The following YRDC variants were observed in gnomAD, a reference collection of about 807,000 sequenced individuals.
YRDC encodes the protein threonylcarbamoyl-AMP synthase.
A neutral mutation model predicts 21.5 loss-of-function variants in YRDC; 17 were observed. The observed-to-expected ratio is 0.79, with a 90% CI of 0.54 to 1.19. YRDC has a LOEUF of 1.19. Among genes scored for constraint, YRDC ranks in the 50% most tolerant of loss-of-function variants. The pLI is 0.00. For missense variants in YRDC, 380 were observed against 397.1 expected (o/e 0.96, Z 0.37); for synonymous variants, 193 against 176.7 (o/e 1.09, Z -0.73).
chr1:37,807,102 G>C lies in YRDC; in HGVS notation c.503C>G (p.Pro168Arg). The C allele has an allele frequency of 6.2e-7, 1 of 1,614,162 alleles. No homozygotes were observed. Among genetic ancestry groups the C allele is most frequent in the Non-Finnish European group, 8.5e-7 (1 of 1,180,032 alleles). Residue 168 changes from proline to arginine, a missense_variant and splice_region_variant, in exon 2 of 5, where the codon CCT becomes CGT. Physicochemically the swap from Pro to Arg is moderately radical, Grantham distance 103 (BLOSUM62 -2). This residue lies in a region of YRDC where 238 missense variants were observed against 236.5 expected (regional missense o/e 1.01). Transcript: ENST00000373044. ...GACACAAGAGAAAACTTGACTCACAGGCGTAAAAGGGTTTAGGTCCTTGTT... is the reference window on the plus strand; with the variant it reads ...GACACAAGAGAAAACTTGACTCACACGCGTAAAAGGGTTTAGGTCCTTGTT... ...ELNKDLNPFT[P>R]LVGIRIPDHA...
At position 37,808,174 on chromosome 1, in the gene YRDC, G is replaced by A. The variant is rs1046404671; in HGVS notation, c.7C>T (p.Pro3Ser). The A allele has an allele frequency of 6.5e-5, 94 of 1,454,650 alleles. No individual in the cohort carries two copies. The highest frequency in any genetic ancestry group is 8.0e-5 in the Non-Finnish European group (89 of 1,107,644). 90.1% of individuals were successfully genotyped at this position (1,454,650 alleles called of 1,614,324 possible). A position where few individuals can be genotyped will look rare whatever the true frequency, so the allele number is the denominator to read the frequency against. Reference protein sequence around the residue: MSPARRCRGMRAA... With the variant: MSSARRCRGMRAA... ...CTCATCCCCCTGCACCGACGCGCCG[G>A]AGACATCCGCCCAGGCCCGCTTCCG... The change falls in exon 1 of 5, where the codon CCG (proline) becomes TCG (serine). Residue 3 changes from proline (P) to serine (S), a missense_variant. By Grantham distance (74) the Pro-to-Ser change is moderately conservative. Around this residue, in one of 3 missense-constraint regions of YRDC, gnomAD observed 91 missense variants for 64.7 expected, o/e 1.41. Transcript: ENST00000373044.
chr1:37,807,810 C>A lies in YRDC; in HGVS notation c.371G>T (p.Arg124Leu). 6.6e-7 allele frequency: 1 copy of A among 1,509,688 alleles called. No individual in the cohort carries two copies. Among genetic ancestry groups the A allele is most frequent in the African/African-American group, 1.4e-5 (1 of 70,884 alleles). 93.5% of individuals were successfully genotyped at this position (1,509,688 alleles called of 1,614,324 possible). A position where few individuals can be genotyped will look rare whatever the true frequency, so the allele number is the denominator to read the frequency against. The change falls in exon 1 of 5, where the codon CGC becomes CTC. Residue 124 changes from arginine (R) to leucine (L), a missense_variant. Physicochemically the swap from Arg to Leu is moderately radical, Grantham distance 102. Around this residue, in one of 3 missense-constraint regions of YRDC, gnomAD observed 238 missense variants for 236.5 expected, o/e 1.01. Coordinates refer to ENST00000373044, the MANE Select transcript of YRDC (RefSeq NM_024640.4). ...EAKPLAVCLG[R>L]VADVYRYCRV... ...GCCTTACCTGTAGACGTCGGCCACG[C>A]GGCCGAGGCATACGGCCAGAGGCTT...
In YRDC at chr1:37,804,451, A is replaced by G; in HGVS notation, c.625-7T>C. Reference sequence around the variant, plus strand: ...GCCAGAGATCCTGGAACTCCTGAGAAGAGGGAGAAGGAAGAGCATGGACAC... The same window carrying G: ...GCCAGAGATCCTGGAACTCCTGAGAGGAGGGAGAAGGAAGAGCATGGACAC... On this transcript the variant is annotated splice_polypyrimidine_tract_variant and splice_region_variant and intron_variant, in intron 3 of 4. Transcript: ENST00000373044. 6.2e-7 allele frequency: 1 copy of G among 1,609,738 alleles called. No homozygotes were observed. Among genetic ancestry groups the G allele is most frequent in the Middle Eastern group, 1.7e-4 (1 of 6,046 alleles).
At chr1:37,805,057 A>C (rs1396952891) in intron 3 of YRDC, among the ~76,000 whole-genome samples, 1 of 151,934 alleles carries the variant, frequency 6.6e-6, no homozygotes, top group Non-Finnish European at 1.5e-5. Context: ...GGAGTTTGAG[A>C]CTAGCCTGGT....
chr1:37,805,533 G>A (rs1646728966), intron 3 of YRDC, among the ~76,000 whole-genome samples: 2 of 152,218 alleles, frequency 1.3e-5, no homozygotes, highest in Admixed American at 6.5e-5. Flanking sequence ...CACTGCAGTG[G>A]CAGTTAGGCC....
In YRDC at chr1:37,807,159, A is replaced by T. The variant is rs1270532828; in HGVS notation, c.446T>A (p.Val149Glu). The T allele has an allele frequency of 6.2e-7, 1 of 1,614,174 alleles. No homozygotes were observed. Among genetic ancestry groups the T allele is most frequent in the Admixed American group, 1.7e-5 (1 of 60,030 alleles). ...GLLKDLLPGP[V>E]TLVMERSEEL... The stretch of plus-strand genomic sequence containing the variant: ...CTCCGAGCGTTCCATCACCAGGGTC[A>T]CTGGTCCTGGCAGTAGGTCTTTCAG... The change falls in exon 2 of 5, where the codon GTG becomes GAG. Residue 149 changes from valine to glutamate, a missense_variant. Coordinates refer to ENST00000373044, the MANE Select transcript of YRDC (RefSeq NM_024640.4).
In YRDC at chr1:37,806,902, G is replaced by C. The variant is rs540380205; in HGVS notation, c.579C>G (p.Leu193=). 6.2e-7 allele frequency: 1 copy of C among 1,614,184 alleles called. No individual in the cohort carries two copies. The highest frequency in any genetic ancestry group is 1.7e-5 in the Admixed American group (1 of 60,022). Residue 193 remains leucine, a synonymous_variant, in exon 3 of 5, where the codon CTC becomes CTG. Coordinates refer to ENST00000373044, the MANE Select transcript of YRDC (RefSeq NM_024640.4). ...LAQMFEGPLA[L]TSANLSSQAS... ...CCTGGGAGCTGAGGTTGGCACTAGT[G>C]AGAGCAAGCGGACCCTCAAACATCT...
intron 4 of YRDC, 40 bp from the exon 5 acceptor site, chr1:37,804,037 G>A: frequency 6.2e-7 from 1 of 1,611,212 alleles, no homozygotes; most frequent in Non-Finnish European, 8.5e-7. Context: ...TGACTTCTCA[G>A]AAGTCCCGAG....
chr1:37,807,434 G>C, intron 1 of YRDC: 1 of 604,368 alleles, frequency 1.7e-6, no homozygotes, highest in South Asian at 2.1e-5. Context: ...GACTACAACA[G>C]CTGCACCGCT....
chr1:37,804,890 T>C (rs28599758), intron 3 of YRDC, among the ~76,000 whole-genome samples: 1,722 of 152,326 alleles, frequency 0.011, 30 homozygotes, highest in African/African-American at 0.04. Context: ...TTCTAATCTA[T>C]GTAGCCAAGA....
chr1:37,803,822 G>A lies in YRDC; in HGVS notation c.*103C>T. The A allele has an allele frequency of 1.5e-6, 2 of 1,296,010 alleles. No individual in the cohort carries two copies. The highest frequency in any genetic ancestry group is 2.2e-6 in the Non-Finnish European group (2 of 914,442). 80.3% of individuals were successfully genotyped at this position (1,296,010 alleles called of 1,614,324 possible). A position where few individuals can be genotyped will look rare whatever the true frequency, so the allele number is the denominator to read the frequency against. ...ACACTGCCTTAAAAGTCAGGCTAGT[G>A]CCCTAGCTCCGGTGGCCTCTGCAAA... On this transcript the variant is annotated 3_prime_UTR_variant, in exon 5 of 5. Coordinates refer to ENST00000373044, the MANE Select transcript of YRDC (RefSeq NM_024640.4).
Position 37,808,190 on chromosome 1 carries a change from C to T in YRDC, c.-10G>A, listed in dbSNP as rs1357928053. ...GACGCGCCGGAGACATCCGCCCAGG[C>T]CCGCTTCCGGGAGGAAGTGACGCTC... On this transcript the variant is annotated 5_prime_UTR_variant, in exon 1 of 5. Coordinates refer to ENST00000373044, the MANE Select transcript of YRDC (RefSeq NM_024640.4). 2.1e-6 allele frequency: 3 copies of T among 1,431,272 alleles called. No individual in the cohort carries two copies. The highest frequency in any genetic ancestry group is 2.9e-5 in the Admixed American group (1 of 34,498). The allele number at this position is 1,431,272 out of a possible 1,614,324, so 88.7% of individuals were successfully genotyped here. A position where few individuals can be genotyped will look rare whatever the true frequency, so the allele number is the denominator to read the frequency against.
Position 37,805,609 on chromosome 1 carries a change from C to A in YRDC, c.625-1165G>T, listed in dbSNP as rs557985931. Among the ~76,000 whole-genome samples, 3 of 152,298 alleles carry A rather than the reference C, an allele frequency of 2.0e-5. No individual in the cohort carries two copies. The South Asian group carries it at 6.2e-4, about 32-fold the overall frequency. On this transcript the variant is annotated intron_variant, in intron 3 of 4. Coordinates refer to ENST00000373044, the MANE Select transcript of YRDC (RefSeq NM_024640.4). ...GTTGGACAGGTCAAATGATTGCTGA[C>A]AAGGTAAAAACCTCCCCTCCCTGTG...
intron 3 of YRDC, among the ~76,000 whole-genome samples, chr1:37,806,287 G>A (rs1646735116): frequency 6.6e-6 from 1 of 151,504 alleles, no homozygotes; most frequent in Admixed American, 6.6e-5. Flanking sequence ...TGTAACCTCT[G>A]CCTCCCAGGT....
At chr1:37,806,733 C>T (rs765407753) in intron 3 of YRDC, 124 bp downstream of exon 3, 2 of 1,473,130 alleles carry the variant, frequency 1.4e-6, no homozygotes, top group African/African-American at 2.8e-5. Context: ...GCTGGGCAAC[C>T]TTCCCACTGT....
At chr1:37,804,518 T>C (rs1018940833) in intron 3 of YRDC, 74 bp from the exon 4 acceptor site, 2 of 1,528,048 alleles carry the variant, frequency 1.3e-6, no homozygotes. Context: ...CACGCAGTCA[T>C]CAAAGGCCAT....
At chr1:37,804,502 A>C in intron 3 of YRDC, 58 bp from the exon 4 acceptor site, 2 of 1,560,280 alleles carry the variant, frequency 1.3e-6, no homozygotes, top group Non-Finnish European at 1.7e-6. Flanking sequence ...CAATAATGTC[A>C]AACTGCACGC....
At chr1:37,804,985 C>A (rs563991184) in intron 3 of YRDC, among the ~76,000 whole-genome samples, 2 of 152,318 alleles carry the variant, frequency 1.3e-5, no homozygotes, top group Non-Finnish European at 2.9e-5. Flanking sequence ...GGTAAAAAGA[C>A]CAGGCATGGT....
Position 37,808,160 on chromosome 1 carries a change from G to T in YRDC, c.21C>A (p.Cys7Ter). 6.8e-7 allele frequency: 1 copy of T among 1,460,270 alleles called. No homozygotes were observed. Among genetic ancestry groups the T allele is most frequent in the Non-Finnish European group, 9.0e-7 (1 of 1,111,168 alleles). The allele number at this position is 1,460,270 out of a possible 1,614,324, so 90.5% of individuals were successfully genotyped here. A position where few individuals can be genotyped will look rare whatever the true frequency, so the allele number is the denominator to read the frequency against. MSPARR[C>*]RGMRAAVAAS... ...CAGCCACCGCGGCCCTCATCCCCCT[G>T]CACCGACGCGCCGGAGACATCCGCC... is the stretch of plus-strand genomic sequence containing the variant. Residue 7 changes from cysteine (C) to a stop codon, truncating the protein, a stop_gained, in exon 1 of 5, where the codon TGC becomes TGA. Transcript: ENST00000373044. LOFTEE classifies it high-confidence loss of function.
Sources: allele counts gnomAD v4.1 joint callset (sites outside exome capture counted in the v4.1 genomes callset), GRCh38; gene constraint gnomAD v4.1.1; regional missense constraint gnomAD v4.1.1; transcripts MANE v1.5; gene names NCBI Gene and HGNC (gene_info 2026-07-23, HGNC 2026-07-21).